The following EYA4 variants were observed in gnomAD, a reference collection of about 807,000 sequenced individuals.
EYA4 encodes EYA transcriptional coactivator and phosphatase 4.
In EYA4, 31 loss-of-function variants were observed where a neutral mutation model predicts 87.9. That is an observed-to-expected ratio of 0.35 (90% CI 0.27 to 0.48). The LOEUF is 0.48. Ranked by LOEUF, EYA4 falls within the 20% of genes least tolerant of loss-of-function variation. EYA4 has a pLI of 0.99. For synonymous variants in EYA4, 263 were observed against 270.6 expected (o/e 0.97, Z 0.28); for missense variants, 678 against 761.4 (o/e 0.89, Z 1.29).
chr6:133,467,210 A>C (rs1463849273), intron 10 of EYA4, among the ~76,000 whole-genome samples: 2 of 152,138 alleles, frequency 1.3e-5, no homozygotes, highest in Non-Finnish European at 2.9e-5. Context: ...TTCTGCAGGA[A>C]TTAGTAGGCT....
intron 2 of EYA4, among the ~76,000 whole-genome samples, chr6:133,275,684 T>G (rs1355770714): frequency 6.6e-6 from 1 of 152,144 alleles, no homozygotes; most frequent in Admixed American, 6.5e-5. Context: ...GTATATGTGA[T>G]GAGTTTAATT....
chr6:133,277,390 AT>A (rs1389334980), intron 2 of EYA4, among the ~76,000 whole-genome samples: 1 of 152,208 alleles, frequency 6.6e-6, no homozygotes, highest in African/African-American at 2.4e-5. Flanking sequence ...ATACAACATA[AT>A]AGGTAGTTAA....
chr6:133,369,307 T>A (rs1241107795), intron 2 of EYA4, among the ~76,000 whole-genome samples: 1 of 152,136 alleles, frequency 6.6e-6, no homozygotes, highest in African/African-American at 2.4e-5. Context: ...TATCCTTATC[T>A]CTTGAATTTA....
intron 13 of EYA4, among the ~76,000 whole-genome samples, chr6:133,497,905 G>A (rs1031399703): frequency 3.9e-5 from 6 of 152,160 alleles, no homozygotes; most frequent in Admixed American, 1.3e-4. Flanking sequence ...GGCTGATAAT[G>A]TGAAACTCAG....
At chr6:133,449,784 A>G (rs1243293908) in intron 5 of EYA4, among the ~76,000 whole-genome samples, 1 of 152,252 alleles carries the variant, frequency 6.6e-6, no homozygotes, top group Non-Finnish European at 1.5e-5. Flanking sequence ...TAGTAATGCA[A>G]TAATAGGCAA....
At chr6:133,407,466 C>T (rs931311820) in intron 3 of EYA4, among the ~76,000 whole-genome samples, 1 of 152,048 alleles carries the variant, frequency 6.6e-6, no homozygotes, top group Non-Finnish European at 1.5e-5. Context: ...CTTCCTTGCT[C>T]TTGGAGCCTT....
chr6:133,475,687 TG>T (rs1468512936), intron 11 of EYA4, among the ~76,000 whole-genome samples: 7 of 152,152 alleles, frequency 4.6e-5, no homozygotes, highest in African/African-American at 1.4e-4. Flanking sequence ...CCTGTGGCAT[TG>T]CTATGCCCTT....
At chr6:133,447,781 G>C (rs1451796048) in intron 4 of EYA4, among the ~76,000 whole-genome samples, 1 of 152,158 alleles carries the variant, frequency 6.6e-6, no homozygotes, top group Non-Finnish European at 1.5e-5. Flanking sequence ...ACATGCATCT[G>C]TAATTTCAGC....
intron 3 of EYA4, among the ~76,000 whole-genome samples, chr6:133,383,180 G>A (rs1012082163): frequency 2.6e-5 from 4 of 152,136 alleles, no homozygotes; most frequent in Non-Finnish European, 4.4e-5. Flanking sequence ...GATGGGTCTC[G>A]TTTTATTTTG....
chr6:133,385,182 C>T (rs1442246144), intron 3 of EYA4, among the ~76,000 whole-genome samples: 3 of 151,356 alleles, frequency 2.0e-5, no homozygotes, highest in Admixed American at 6.6e-5. Flanking sequence ...GCCTGTAGTC[C>T]CAGCTACTTG....
intron 11 of EYA4, among the ~76,000 whole-genome samples, chr6:133,474,001 T>C (rs1032263033): frequency 6.6e-6 from 1 of 152,062 alleles, no homozygotes; most frequent in African/African-American, 2.4e-5. Flanking sequence ...GAATCCTTGC[T>C]TAACAAGCAG....
Position 133,523,214 on chromosome 6 carries a change from C to G in EYA4, c.1738+37C>G, listed in dbSNP as rs756785575. ...ATTTTAAACTCTGTATGGAATGTGTCCACATCTGTGTGTCTCTGCCTAGTT... is the reference window on the plus strand; with the variant it reads ...ATTTTAAACTCTGTATGGAATGTGTGCACATCTGTGTGTCTCTGCCTAGTT... On this transcript the variant is annotated intron_variant, in intron 18 of 19. Coordinates refer to ENST00000355286, the MANE Select transcript of EYA4 (RefSeq NM_004100.5). 1.0e-5 allele frequency: 16 copies of G among 1,602,146 alleles called. No homozygotes were observed. In the South Asian group the frequency reaches 1.8e-4, roughly 18 times the overall value.
chr6:133,444,543 A>G (rs1210700336), intron 3 of EYA4, among the ~76,000 whole-genome samples: 1 of 152,142 alleles, frequency 6.6e-6, no homozygotes, highest in Non-Finnish European at 1.5e-5. Flanking sequence ...AGAGACGTTG[A>G]TCTGTAGCAC....
At chr6:133,338,800 T>C (rs1190108045) in intron 2 of EYA4, among the ~76,000 whole-genome samples, 1 of 152,008 alleles carries the variant, frequency 6.6e-6, no homozygotes, top group East Asian at 1.9e-4. Flanking sequence ...CAATATTACA[T>C]GGATGCACAT....
chr6:133,273,975 T>G (rs1776956114), intron 1 of EYA4, among the ~76,000 whole-genome samples: 1 of 152,038 alleles, frequency 6.6e-6, no homozygotes, highest in South Asian at 2.1e-4. Context: ...GTTACTTGGG[T>G]TTTTGGTGTG....
Position 133,243,038 on chromosome 6 carries a change from A to G in EYA4, c.-66+1289A>G, listed in dbSNP as rs552236209. 2.6e-5 allele frequency among the ~76,000 whole-genome samples: 4 copies of G among 151,358 alleles called. No individual in the cohort carries two copies. The East Asian group carries it at 7.8e-4, about 30-fold the overall frequency. On this transcript the variant is annotated intron_variant, in intron 1 of 19. Coordinates refer to ENST00000355286, the MANE Select transcript of EYA4 (RefSeq NM_004100.5). ...TGCCCTTTCTGCCAAGGTGCAGAAT[A>G]GCGCCCGGGCGTGTGTTTTGGTTCC...
At chr6:133,437,155 C>A (rs1791768459) in intron 3 of EYA4, among the ~76,000 whole-genome samples, 1 of 151,990 alleles carries the variant, frequency 6.6e-6, no homozygotes, top group Non-Finnish European at 1.5e-5. Flanking sequence ...GACATAAGGA[C>A]CACTAACAAG....
chr6:133,467,151 TC>T (rs1794922857), intron 10 of EYA4, among the ~76,000 whole-genome samples: 1 of 152,092 alleles, frequency 6.6e-6, no homozygotes, highest in African/African-American at 2.4e-5. Context: ...GACATTATAT[TC>T]CCCAGTGGGG....
chr6:133,296,806 T>A (rs1778981845), intron 2 of EYA4, among the ~76,000 whole-genome samples: 3 of 152,196 alleles, frequency 2.0e-5, no homozygotes, highest in Admixed American at 6.5e-5. Context: ...TGTCCATTTA[T>A]GTCCATGAAA....
Sources: allele counts gnomAD v4.1 joint callset (sites outside exome capture counted in the v4.1 genomes callset), GRCh38; gene constraint gnomAD v4.1.1; transcripts MANE v1.5; gene names NCBI Gene and HGNC (gene_info 2026-07-23, HGNC 2026-07-21).